The following ACTG2 variants were observed in gnomAD, a reference collection of about 807,000 sequenced individuals.
ACTG2 encodes the protein actin gamma 2, smooth muscle.
In ACTG2, 16 loss-of-function variants were observed where a neutral mutation model predicts 37.6. The observed-to-expected ratio is 0.43, with a 90% confidence interval of 0.29 to 0.65. The LOEUF is 0.65. Ranked by LOEUF, ACTG2 falls within the 30% of genes least tolerant of loss-of-function variation. The probability of loss-of-function intolerance (pLI) is 0.18; values close to 1 mark genes in which losing one functional copy is unlikely to be tolerated. For synonymous variants in ACTG2, 181 were observed against 179.9 expected (o/e 1.01, Z -0.05); for missense variants, 238 against 490.9 (o/e 0.48, Z 4.87).
At chr2:73,913,764 G>C in intron 6 of ACTG2, 118 bp downstream of exon 6, 4 of 858,984 alleles carry the variant, frequency 4.7e-6, no homozygotes, top group African/African-American at 1.7e-5. Context: ...TCCTGAGATA[G>C]ACTGAGAGGC....
At chr2:73,899,778 C>T (rs1349918476) in intron 1 of ACTG2, among the ~76,000 whole-genome samples, 2 of 152,056 alleles carry the variant, frequency 1.3e-5, no homozygotes, top group Non-Finnish European at 2.9e-5. Flanking sequence ...TATTCTGGAC[C>T]TTGTGGGCTG....
At position 73,913,511 on chromosome 2, in the gene ACTG2, G is replaced by A. The variant is rs761385269; in HGVS notation, c.478G>A (p.Val160Ile). The change falls in exon 6 of 9, where the codon GTC (valine) becomes ATC (isoleucine). Residue 160 changes from valine to isoleucine, a missense_variant. Val to Ile is a conservative substitution (Grantham distance 29, BLOSUM62 3). Transcript: ENST00000345517. ...CATCGTCCTGGATTCAGGTGATGGC[G>A]TCACCCACAATGTCCCCATCTATGA... ...TGIVLDSGDG[V>I]THNVPIYEGY... The A allele has an allele frequency of 1.9e-6, 3 of 1,610,860 alleles. No individual in the cohort carries two copies. The highest frequency in any genetic ancestry group is 1.3e-5 in the African/African-American group (1 of 74,840).
chr2:73,896,347 C>CAAAAA (rs59825980), intron 1 of ACTG2, among the ~76,000 whole-genome samples: 1 of 125,262 alleles, frequency 8.0e-6, no homozygotes, highest in African/African-American at 3.1e-5. Context: ...CCCAGTATCT[C>CAAAAA]AAAAAAAAAA....
intron 2 of ACTG2, among the ~76,000 whole-genome samples, chr2:73,902,023 GTGTGTGTGTGTGTGTGTC>G (rs1479921915): frequency 2.1e-5 from 2 of 94,790 alleles, no homozygotes; most frequent in African/African-American, 3.6e-5. Context: ...CAAGTCGTGT[GTGTGTGTGTGTGTGTGTC>G]TGTGTGTGTG....
rs1162356541 is a variant in ACTG2, at chr2:73,903,403, C to T, written c.255+915C>T. On this transcript the variant is annotated intron_variant, in intron 3 of 8. Coordinates refer to ENST00000345517, the MANE Select transcript of ACTG2 (RefSeq NM_001615.4). The stretch of plus-strand genomic sequence containing the variant: ...TGCACATAAAATGCAATGGATTTCA[C>T]GTTATACAGTGGAGTGGGTAAGAGC... Among the ~76,000 whole-genome samples, 6 of 152,234 alleles carry T rather than the reference C, an allele frequency of 3.9e-5. No individual in the cohort carries two copies. In the East Asian group the frequency reaches 9.6e-4, roughly 24 times the overall value.
chr2:73,910,045 T>C (rs1373840991), intron 5 of ACTG2, among the ~76,000 whole-genome samples: 9 of 151,950 alleles, frequency 5.9e-5, no homozygotes, highest in Non-Finnish European at 1.0e-4. Flanking sequence ...TGAAACCCCG[T>C]CTCTACTAAA....
chr2:73,917,141 C>A (rs969545899), intron 8 of ACTG2, among the ~76,000 whole-genome samples: 1 of 152,272 alleles, frequency 6.6e-6, no homozygotes, highest in Non-Finnish European at 1.5e-5. Context: ...TGTGCCACTG[C>A]ACTCCAGCCT....
In ACTG2 at chr2:73,919,482, C is replaced by T; in HGVS notation, c.1038C>T (p.Ile346=). The change falls in exon 9 of 9, where the codon ATC becomes ATT. Residue 346 remains isoleucine, a synonymous_variant. Coordinates refer to ENST00000345517, the MANE Select transcript of ACTG2 (RefSeq NM_001615.4). ...RKYSVWIGGS[I]LASLSTFQQM... ...ACTCAGTCTGGATCGGGGGCTCTAT[C>T]CTGGCCTCTCTCTCCACCTTCCAGC... The T allele has an allele frequency of 2.5e-6, 4 of 1,614,122 alleles. No homozygotes were observed. Among genetic ancestry groups the T allele is most frequent in the Non-Finnish European group, 3.4e-6 (4 of 1,180,036 alleles).
At chr2:73,908,304 C>A (rs1680055776) in intron 3 of ACTG2, 1 of 473,574 alleles carries the variant, frequency 2.1e-6, no homozygotes, top group Admixed American at 2.3e-5. Flanking sequence ...TTGCAGGAAT[C>A]TTCTATCAGC....
intron 7 of ACTG2, among the ~76,000 whole-genome samples, chr2:73,915,272 C>A (rs1269510316): frequency 1.3e-5 from 2 of 152,034 alleles, no homozygotes; most frequent in Non-Finnish European, 2.9e-5. Context: ...GTAATCCCAG[C>A]ACTTTGGGAG....
At chr2:73,903,706 C>T (rs1241451548) in intron 3 of ACTG2, among the ~76,000 whole-genome samples, 5 of 152,128 alleles carry the variant, frequency 3.3e-5, no homozygotes, top group Non-Finnish European at 5.9e-5. Context: ...CTTTGGGAGA[C>T]CGAGGCGGGT....
intron 3 of ACTG2, among the ~76,000 whole-genome samples, chr2:73,905,577 C>T (rs1310390220): frequency 1.3e-5 from 2 of 152,026 alleles, no homozygotes; most frequent in African/African-American, 4.8e-5. Context: ...AGTAAAATAA[C>T]TAGGTATGAT....
chr2:73,901,502 C>G (rs756271325), intron 2 of ACTG2, 65 bp downstream of exon 2: 1 of 1,451,468 alleles, frequency 6.9e-7, no homozygotes, highest in African/African-American at 1.9e-5. Flanking sequence ...ACTGTGGAGA[C>G]CCTGCTGAGC....
chr2:73,914,850 C>G lies in ACTG2; in HGVS notation c.784C>G (p.Leu262Val). 1 of 1,589,672 alleles carries G rather than the reference C, an allele frequency of 6.3e-7. No homozygotes were observed. The highest frequency in any genetic ancestry group is 8.6e-7 in the Non-Finnish European group (1 of 1,163,444). ...GNERFRCPET[L>V]FQPSFIGMES... The stretch of plus-strand genomic sequence containing the variant: ...TGAGCGCTTCCGCTGCCCTGAGACC[C>G]TCTTCCAGCCTTCCTTTATTGGTGA... Residue 262 changes from leucine (L) to valine (V), a missense_variant, in exon 7 of 9, where the codon CTC (leucine) becomes GTC (valine). Physicochemically the swap from Leu to Val is conservative, Grantham distance 32 (BLOSUM62 1). Coordinates refer to ENST00000345517, the MANE Select transcript of ACTG2 (RefSeq NM_001615.4).
chr2:73,898,775 CTTTCTTTTTTCTTTTCTTTTTTT>C (rs1311609860), intron 1 of ACTG2, among the ~76,000 whole-genome samples: 2 of 148,232 alleles, frequency 1.3e-5, no homozygotes, highest in African/African-American at 2.5e-5. Context: ...CTAAACAGAG[CTTTCTTTTTTCTTTTCTTTTTTT>C]TTTCTTTTTT....
intron 6 of ACTG2, 62 bp downstream of exon 6, chr2:73,913,708 G>A (rs897354857): frequency 3.5e-6 from 5 of 1,424,052 alleles, no homozygotes; most frequent in Non-Finnish European, 4.9e-6. Context: ...AGGACAAGAA[G>A]TTCTCAGGAC....
intron 1 of ACTG2, among the ~76,000 whole-genome samples, chr2:73,893,482 C>T (rs1558618778): frequency 2.0e-5 from 3 of 152,172 alleles, no homozygotes; most frequent in African/African-American, 4.8e-5. Context: ...TGTCTGTGAG[C>T]TGTTTAGTCC....
intron 3 of ACTG2, among the ~76,000 whole-genome samples, chr2:73,903,855 G>A (rs555894789): frequency 4.8e-5 from 7 of 147,234 alleles, no homozygotes; most frequent in Admixed American, 4.2e-4. Flanking sequence ...CAGGAGAATC[G>A]CTTGAACCCG....
At chr2:73,907,369 C>G (rs1680038360) in intron 3 of ACTG2, among the ~76,000 whole-genome samples, 1 of 152,204 alleles carries the variant, frequency 6.6e-6, no homozygotes. Flanking sequence ...GAAACCAAAG[C>G]CCCATGTCCC....
Sources: gnomAD v4.1 joint callset for allele counts (sites outside exome capture counted in the v4.1 genomes callset) on GRCh38, gnomAD v4.1.1 for gene constraint, MANE v1.5 for transcripts, NCBI Gene and HGNC (gene_info 2026-07-23, HGNC 2026-07-21) for gene names.